CRACR2A: variants seen among roughly 807,000 people sequenced by gnomAD.
CRACR2A encodes the protein calcium release activated channel regulator 2A, also known as EF-hand calcium-binding domain-containing protein 4B.
In CRACR2A, 79 loss-of-function variants were observed where a neutral mutation model predicts 90.5. The observed-to-expected ratio is 0.87, with a 90% CI of 0.73 to 1.05. CRACR2A has a LOEUF of 1.05. Ranked by LOEUF, CRACR2A falls within the 50% of genes least tolerant of loss-of-function variation. The pLI, the probability that CRACR2A is intolerant of heterozygous loss-of-function variation, is 0.00. For synonymous variants in CRACR2A, 338 were observed against 356.7 expected (o/e 0.95, Z 0.59); for missense variants, 823 against 897.2 (o/e 0.92, Z 1.06).
chr12:3,654,240 C>T lies in CRACR2A; in HGVS notation c.1018G>A (p.Ala340Thr). 2 of 1,613,352 alleles carry T rather than the reference C, an allele frequency of 1.2e-6. No individual in the cohort carries two copies. Among genetic ancestry groups the T allele is most frequent in the Non-Finnish European group, 1.7e-6 (2 of 1,179,834 alleles). The change falls in exon 10 of 20, where the codon GCC becomes ACC. Residue 340 changes from alanine to threonine, a missense_variant. Ala to Thr is a moderately conservative substitution (Grantham distance 58). Transcript: ENST00000440314. ...TCCTTCTCTTGGTGGAGTTTGCAGGCCTCTTGCTGGAGGCTTTCCAACTGC... is the reference window on the plus strand; with the variant it reads ...TCCTTCTCTTGGTGGAGTTTGCAGGTCTCTTGCTGGAGGCTTTCCAACTGC... ...QQQLESLQQEACKLHQEKEME... is the reference protein window; with the variant it reads ...QQQLESLQQETCKLHQEKEME...
intron 13 of CRACR2A, chr12:3,640,589 G>C (rs921649096): frequency 7.7e-7 from 1 of 1,292,540 alleles, no homozygotes; most frequent in African/African-American, 1.5e-5. Context: ...CTCCCAAATT[G>C]TATCTCATTA....
At chr12:3,707,069 A>G (rs1044846157) in intron 3 of CRACR2A, among the ~76,000 whole-genome samples, 2 of 152,202 alleles carry the variant, frequency 1.3e-5, no homozygotes, top group African/African-American at 4.8e-5. Flanking sequence ...CCAGCTGGAC[A>G]GGATTTCCTG....
intron 10 of CRACR2A, 146 bp downstream of exon 10, chr12:3,654,066 G>A (rs2137462491): frequency 1.2e-6 from 1 of 802,334 alleles, no homozygotes; most frequent in East Asian, 2.7e-5. Flanking sequence ...AATCCTAGAG[G>A]AGTGTTAGAA....
chr12:3,660,881 C>G (rs1565479256), intron 7 of CRACR2A, among the ~76,000 whole-genome samples: 2 of 124,430 alleles, frequency 1.6e-5, no homozygotes, highest in South Asian at 2.5e-4. Flanking sequence ...CACACACACA[C>G]ACACACAATT....
intron 1 of CRACR2A, among the ~76,000 whole-genome samples, chr12:3,742,790 G>C (rs1946548498): frequency 6.6e-6 from 1 of 152,178 alleles, no homozygotes; most frequent in South Asian, 2.1e-4. Flanking sequence ...TGAAGACAAA[G>C]CTCAGTTCCC....
At chr12:3,626,482 T>C (rs1429823749) in intron 17 of CRACR2A, among the ~76,000 whole-genome samples, 1 of 152,222 alleles carries the variant, frequency 6.6e-6, no homozygotes, top group African/African-American at 2.4e-5. Flanking sequence ...TGATGGGATA[T>C]GCAAGGTTTT....
chr12:3,629,543 C>T (rs1281305035), intron 15 of CRACR2A, among the ~76,000 whole-genome samples: 6 of 152,228 alleles, frequency 3.9e-5, no homozygotes, highest in African/African-American at 1.4e-4. Flanking sequence ...CCAGTGCTGC[C>T]CGAGGACAGA....
At chr12:3,616,907 AC>A (rs1334445292) in intron 19 of CRACR2A, 46 bp downstream of exon 19, 2 of 1,435,984 alleles carry the variant, frequency 1.4e-6, no homozygotes, top group South Asian at 1.2e-5. Context: ...GAAGGCAGAC[AC>A]AGCTGGACAC....
chr12:3,739,760 C>T (rs1946497468), intron 1 of CRACR2A, among the ~76,000 whole-genome samples: 1 of 152,010 alleles, frequency 6.6e-6, no homozygotes, highest in South Asian at 2.1e-4. Context: ...ATGGTGAAAC[C>T]CCGTTTCTAC....
chr12:3,684,584 A>T (rs1196597462), intron 4 of CRACR2A, among the ~76,000 whole-genome samples: 2 of 152,260 alleles, frequency 1.3e-5, no homozygotes. Flanking sequence ...TGTGTAAGGA[A>T]TATGGCTGTG....
intron 1 of CRACR2A, among the ~76,000 whole-genome samples, chr12:3,735,899 C>T (rs1041676124): frequency 6.6e-6 from 1 of 152,112 alleles, no homozygotes; most frequent in Non-Finnish European, 1.5e-5. Flanking sequence ...ATTTGAGAAC[C>T]CTGCTTGACA....
chr12:3,673,687 T>C, intron 6 of CRACR2A, 95 bp from the exon 7 acceptor site: 2 of 1,462,952 alleles, frequency 1.4e-6, no homozygotes, highest in South Asian at 1.3e-5. Flanking sequence ...CCAGAAACAG[T>C]ACCGTCAGAA....
intron 4 of CRACR2A, among the ~76,000 whole-genome samples, chr12:3,687,977 T>C (rs761135446): frequency 1.4e-4 from 21 of 152,232 alleles, no homozygotes; most frequent in Non-Finnish European, 7.3e-5. Context: ...GTTGGACACA[T>C]GTATGTCTTC....
At chr12:3,628,702 C>T (rs1201417088) in intron 15 of CRACR2A, among the ~76,000 whole-genome samples, 1 of 152,222 alleles carries the variant, frequency 6.6e-6, no homozygotes, top group Admixed American at 6.5e-5. Flanking sequence ...CATCCCCCCA[C>T]CACCACCATA....
At chr12:3,739,804 C>T (rs919421064) in intron 1 of CRACR2A, among the ~76,000 whole-genome samples, 3 of 151,826 alleles carry the variant, frequency 2.0e-5, no homozygotes, top group East Asian at 3.9e-4. Context: ...CATGGTGGTG[C>T]GTACCTGTAA....
chr12:3,743,143 C>T (rs1946554497), intron 1 of CRACR2A, among the ~76,000 whole-genome samples: 1 of 152,174 alleles, frequency 6.6e-6, no homozygotes, highest in South Asian at 2.1e-4. Context: ...CTATTTCAAA[C>T]TTCTGTAAAT....
intron 4 of CRACR2A, among the ~76,000 whole-genome samples, chr12:3,688,655 T>C (rs1438231199): frequency 6.6e-6 from 1 of 152,218 alleles, no homozygotes. Context: ...CTGCTTAGGA[T>C]TGTCTTGGCT....
At chr12:3,644,172 A>G (rs1349282267) in intron 12 of CRACR2A, among the ~76,000 whole-genome samples, 2 of 151,326 alleles carry the variant, frequency 1.3e-5, no homozygotes. Context: ...AAGTATGAAA[A>G]CAGTGAAATA....
intron 4 of CRACR2A, among the ~76,000 whole-genome samples, chr12:3,685,786 A>G (rs189550199): frequency 9.0e-4 from 137 of 152,358 alleles, no homozygotes; most frequent in African/African-American, 3.1e-3. Context: ...CATGATAAAA[A>G]GAGTTCTGGA....
Sources: gnomAD v4.1 joint callset for allele counts (sites outside exome capture counted in the v4.1 genomes callset) on GRCh38, gnomAD v4.1.1 for gene constraint, MANE v1.5 for transcripts, NCBI Gene and HGNC (gene_info 2026-07-23, HGNC 2026-07-21) for gene names.